Variants in TNFRSF13B observed in about 807,000 individuals in gnomAD.
TNFRSF13B encodes the protein TNF receptor superfamily member 13B.
Under a neutral mutation model 24.0 loss-of-function variants are expected in TNFRSF13B, and 34 were observed. That is an observed-to-expected ratio of 1.41 (90% confidence interval 1.08 to 1.88). The LOEUF (loss-of-function observed/expected upper bound fraction) is 1.88. Among genes scored for constraint, TNFRSF13B ranks in the 40% most tolerant of loss-of-function variants. The pLI is 0.00. For missense variants in TNFRSF13B, 415 were observed against 380.8 expected (o/e 1.09, Z -0.75); for synonymous variants, 173 against 150.3 (o/e 1.15, Z -1.10).
intron 3 of TNFRSF13B, among the ~76,000 whole-genome samples, chr17:16,947,354 G>A (rs1567651805): frequency 6.6e-6 from 1 of 152,178 alleles, no homozygotes; most frequent in African/African-American, 2.4e-5. Context: ...TGACAAGTGG[G>A]ATCTAATTAA....
At chr17:16,950,930 C>G (rs1384623079) in intron 2 of TNFRSF13B, among the ~76,000 whole-genome samples, 1 of 152,232 alleles carries the variant, frequency 6.6e-6, no homozygotes, top group Non-Finnish European at 1.5e-5. Flanking sequence ...TCCCTGCTCC[C>G]CAGCCCTTTA....
intron 1 of TNFRSF13B, among the ~76,000 whole-genome samples, chr17:16,961,195 A>T (rs1239188254): frequency 6.6e-6 from 1 of 152,262 alleles, no homozygotes; most frequent in East Asian, 1.9e-4. Context: ...GCAGATCCTC[A>T]AAAAGACAAA....
chr17:16,966,836 TTTC>T (rs541505303), intron 1 of TNFRSF13B, among the ~76,000 whole-genome samples: 55,148 of 104,950 alleles, frequency 0.53, 13,108 homozygotes, highest in East Asian at 0.63. Context: ...CTTTTTCTTT[TTTC>T]TTTTTTTTTT....
chr17:16,963,886 A>G (rs73292855), intron 1 of TNFRSF13B, among the ~76,000 whole-genome samples: 4,458 of 152,204 alleles, frequency 0.029, 163 homozygotes, highest in East Asian at 0.075. Context: ...ACTGACTGCA[A>G]ACTTGGGCTG....
chr17:16,952,161 G>A (rs1191981408), intron 2 of TNFRSF13B, among the ~76,000 whole-genome samples: 2 of 152,222 alleles, frequency 1.3e-5, no homozygotes, highest in East Asian at 3.8e-4. Context: ...GAGACCTGAA[G>A]GTTGAGTAGG....
At position 16,939,282 on chromosome 17, in the gene TNFRSF13B, T is replaced by C; in HGVS notation, c.*265A>G. The C allele has an allele frequency of 4.3e-6, 2 of 460,602 alleles. No homozygotes were observed. Among genetic ancestry groups the C allele is most frequent in the Non-Finnish European group, 7.7e-6 (2 of 260,222 alleles). 28.5% of individuals were successfully genotyped at this position (460,602 alleles called of 1,614,324 possible). On this transcript the variant is annotated 3_prime_UTR_variant, in exon 5 of 5. Transcript: ENST00000261652. ...CTCTCTCCCTCTCTGTCTCTCTGCCTCTCTCCCTCTCTGCCTCTCTCCCTC... is the reference window on the plus strand; with the variant it reads ...CTCTCTCCCTCTCTGTCTCTCTGCCCCTCTCCCTCTCTGCCTCTCTCCCTC...
chr17:16,969,913 C>G (rs554544172), intron 1 of TNFRSF13B, among the ~76,000 whole-genome samples: 58 of 152,128 alleles, frequency 3.8e-4, no homozygotes, highest in Non-Finnish European at 5.7e-4. Context: ...AGAAAGCCAC[C>G]ACCCGCCGCA....
chr17:16,962,022 T>C (rs964226118), intron 1 of TNFRSF13B, among the ~76,000 whole-genome samples: 1 of 152,114 alleles, frequency 6.6e-6, no homozygotes, highest in East Asian at 1.9e-4. Flanking sequence ...GACAGCTGCT[T>C]GAAGGTCTAG....
chr17:16,953,583 TG>T (rs2087604748), intron 1 of TNFRSF13B, among the ~76,000 whole-genome samples: 2 of 152,224 alleles, frequency 1.3e-5, no homozygotes, highest in Non-Finnish European at 2.9e-5. Context: ...TGTCTGGTTT[TG>T]TTCCTCCACT....
chr17:16,942,177 G>A (rs1809521325), intron 3 of TNFRSF13B, among the ~76,000 whole-genome samples: 2 of 152,156 alleles, frequency 1.3e-5, no homozygotes, highest in African/African-American at 4.8e-5. Flanking sequence ...CTGCTGGACT[G>A]CGTTGCACAG....
intron 1 of TNFRSF13B, among the ~76,000 whole-genome samples, chr17:16,969,110 G>A (rs537857964): frequency 2.5e-4 from 38 of 152,312 alleles, no homozygotes; most frequent in African/African-American, 8.4e-4. Context: ...TTATAAAATA[G>A]TGCAGCTGCT....
chr17:16,964,667 A>T (rs2087687342), intron 1 of TNFRSF13B, among the ~76,000 whole-genome samples: 1 of 152,072 alleles, frequency 6.6e-6, no homozygotes, highest in Non-Finnish European at 1.5e-5. Flanking sequence ...AAGGAAGAAG[A>T]ACTTAGTTAG....
intron 1 of TNFRSF13B, among the ~76,000 whole-genome samples, chr17:16,963,604 C>T (rs1344440437): frequency 6.6e-6 from 1 of 152,182 alleles, no homozygotes; most frequent in Non-Finnish European, 1.5e-5. Context: ...GGCTGGAGTG[C>T]AGTGGCACCA....
intron 1 of TNFRSF13B, among the ~76,000 whole-genome samples, chr17:16,965,420 C>T (rs909042731): frequency 2.0e-5 from 3 of 152,214 alleles, no homozygotes; most frequent in East Asian, 1.9e-4. Context: ...TCTGCCTCCC[C>T]GTACTGTCTC....
At position 16,939,489 on chromosome 17, in the gene TNFRSF13B, T is replaced by A; in HGVS notation, c.*58A>T. Reference sequence around the variant, plus strand: ...TCTCTCTCCCCTCTCCCCACCTCTCTTTCTCTCTCCCCTCCTCTCCATCTC... The same window carrying A: ...TCTCTCTCCCCTCTCCCCACCTCTCATTCTCTCTCCCCTCCTCTCCATCTC... On this transcript the variant is annotated 3_prime_UTR_variant, in exon 5 of 5. Coordinates refer to ENST00000261652, the MANE Select transcript of TNFRSF13B (RefSeq NM_012452.3). 1.3e-6 allele frequency: 2 copies of A among 1,545,332 alleles called. No homozygotes were observed. Among genetic ancestry groups the A allele is most frequent in the Non-Finnish European group, 1.8e-6 (2 of 1,137,054 alleles).
intron 3 of TNFRSF13B, chr17:16,941,181 T>G: frequency 1.0e-6 from 1 of 973,570 alleles, no homozygotes; most frequent in Non-Finnish European, 1.2e-6. Context: ...CTATCCCCTA[T>G]CTTTTCTGAG....
intron 1 of TNFRSF13B, among the ~76,000 whole-genome samples, chr17:16,957,636 A>G (rs543889851): frequency 6.6e-6 from 1 of 152,238 alleles, no homozygotes; most frequent in Admixed American, 6.5e-5. Flanking sequence ...AAGGATCATC[A>G]ATACGGTAAC....
chr17:16,951,816 C>T (rs12937629), intron 2 of TNFRSF13B, among the ~76,000 whole-genome samples: 111,005 of 152,030 alleles, frequency 0.73, 40,656 homozygotes, highest in East Asian at 0.92. Flanking sequence ...TGAACCCGGG[C>T]GGTGGAGGTT....
intron 3 of TNFRSF13B, among the ~76,000 whole-genome samples, chr17:16,942,754 A>G (rs532592046): frequency 6.6e-5 from 10 of 152,306 alleles, no homozygotes; most frequent in Non-Finnish European, 1.2e-4. Flanking sequence ...ATTTGTGCAT[A>G]TTTCAAACAT....
Sources: gnomAD v4.1 joint callset for allele counts (sites outside exome capture counted in the v4.1 genomes callset) on GRCh38, gnomAD v4.1.1 for gene constraint, MANE v1.5 for transcripts, NCBI Gene and HGNC (gene_info 2026-07-23, HGNC 2026-07-21) for gene names.